ABL2: variants seen among roughly 807,000 people sequenced by gnomAD.
ABL2 encodes tyrosine-protein kinase ABL2.
A neutral mutation model predicts 107.7 loss-of-function variants in ABL2; 49 were observed. The ratio of observed to expected loss-of-function variants is 0.45; its 90% CI spans 0.36 to 0.58. The LOEUF is 0.58. ABL2 is among the 20% of genes least tolerant of loss of function. The pLI is 0.00. For missense variants in ABL2, 1,245 were observed against 1,457.0 expected (o/e 0.85, Z 2.37); for synonymous variants, 549 against 548.6 (o/e 1.00, Z -0.01).
At chr1:179,125,854 TATA>T (rs1158450574) in intron 4 of ABL2, among the ~76,000 whole-genome samples, 1 of 152,260 alleles carries the variant, frequency 6.6e-6, no homozygotes, top group African/African-American at 2.4e-5. Flanking sequence ...CTCTGTAGTT[TATA>T]ATGTGTAAAC....
At chr1:179,229,206 C>CCCCCCCCCCCCACCA in intron 1 of ABL2, 35 bp downstream of exon 1, 1 of 1,480,762 alleles carries the variant, frequency 6.8e-7, no homozygotes, top group Non-Finnish European at 9.0e-7. Context: ...CCCGGCCTCC[C>CCCCCCCCCCCCACCA]CCACGCTCTC....
At chr1:179,122,988 C>A (rs1655368804) in intron 4 of ABL2, among the ~76,000 whole-genome samples, 1 of 152,062 alleles carries the variant, frequency 6.6e-6, no homozygotes, top group Non-Finnish European at 1.5e-5. Flanking sequence ...AGCCACAAGA[C>A]TATGGACTCA....
intron 3 of ABL2, among the ~76,000 whole-genome samples, chr1:179,129,780 T>A (rs1557934780): frequency 6.6e-6 from 1 of 151,870 alleles, no homozygotes; most frequent in African/African-American, 2.4e-5. Flanking sequence ...CCCACATACA[T>A]AACATGTATC....
At position 179,197,363 on chromosome 1, in the gene ABL2, A is replaced by C. The variant is rs1661377431; in HGVS notation, c.157+31878T>G. On this transcript the variant is annotated intron_variant, in intron 1 of 11. Coordinates refer to ENST00000502732, the MANE Select transcript of ABL2 (RefSeq NM_007314.4). ...CAACAATGGCACCCAAGGGATAATA[A>C]AAAATATATATTGAAAAAGCTAAAG... Among the ~76,000 whole-genome samples the C allele has an allele frequency of 2.0e-5, 3 of 152,112 alleles. No homozygotes were observed. In the South Asian group the frequency reaches 6.2e-4, roughly 32 times the overall value.
intron 1 of ABL2, among the ~76,000 whole-genome samples, chr1:179,213,767 T>C (rs1662412440): frequency 6.6e-6 from 1 of 151,608 alleles, no homozygotes; most frequent in Non-Finnish European, 1.5e-5. Context: ...ACTGCCTGCA[T>C]GTATTACTGT....
At chr1:179,197,812 T>C (rs1424149916) in intron 1 of ABL2, among the ~76,000 whole-genome samples, 1 of 149,248 alleles carries the variant, frequency 6.7e-6, no homozygotes, top group Non-Finnish European at 1.5e-5. Flanking sequence ...GAGGCTGCAG[T>C]GAGCTGAGAT....
At chr1:179,189,262 A>AGT (rs1660862976) in intron 1 of ABL2, among the ~76,000 whole-genome samples, 1 of 152,066 alleles carries the variant, frequency 6.6e-6, no homozygotes, top group African/African-American at 2.4e-5. Flanking sequence ...CAGCCTCCCG[A>AGT]GTAGCTGGGA....
intron 1 of ABL2, among the ~76,000 whole-genome samples, chr1:179,216,105 G>A (rs183138696): frequency 1.1e-3 from 165 of 152,262 alleles, no homozygotes; most frequent in African/African-American, 3.9e-3. Context: ...CAGCTTTAGC[G>A]TTCTGCTGGA....
At chr1:179,190,438 G>A (rs936708312) in intron 1 of ABL2, among the ~76,000 whole-genome samples, 1 of 152,156 alleles carries the variant, frequency 6.6e-6, no homozygotes, top group Non-Finnish European at 1.5e-5. Context: ...AGTCCTTCAG[G>A]AACTTCCATG....
At chr1:179,151,205 T>C (rs922043111) in intron 1 of ABL2, among the ~76,000 whole-genome samples, 3 of 152,162 alleles carry the variant, frequency 2.0e-5, no homozygotes, top group Non-Finnish European at 2.9e-5. Context: ...TTAAAGAGGA[T>C]AGTTCCCTAC....
chr1:179,145,895 AT>A (rs11379606), intron 1 of ABL2, among the ~76,000 whole-genome samples: 101 of 142,240 alleles, frequency 7.1e-4, no homozygotes, highest in South Asian at 3.8e-3. Context: ...TCTGATCTCC[AT>A]TTTTTTTTTT....
intron 1 of ABL2, among the ~76,000 whole-genome samples, chr1:179,175,332 T>C (rs992212009): frequency 3.5e-4 from 52 of 148,416 alleles, no homozygotes; most frequent in African/African-American, 1.2e-3. Flanking sequence ...GGCAAGATGT[T>C]AGACCAGGCT....
intron 1 of ABL2, among the ~76,000 whole-genome samples, chr1:179,141,596 C>A (rs763327862): frequency 5.9e-5 from 9 of 152,142 alleles, no homozygotes; most frequent in Non-Finnish European, 1.0e-4. Context: ...ACTAAAAGAA[C>A]CACAACTTAG....
At chr1:179,114,368 ACTGAGCCGAAATCAC>A in intron 9 of ABL2, among the ~76,000 whole-genome samples, 1 of 20,326 alleles carries the variant, frequency 4.9e-5, no homozygotes, top group East Asian at 8.1e-4. Flanking sequence ...AAATCACGTC[ACTGAGCCGAAATCAC>A]GTCACTGCAC....
At chr1:179,193,272 A>G (rs1661120371) in intron 1 of ABL2, among the ~76,000 whole-genome samples, 1 of 152,258 alleles carries the variant, frequency 6.6e-6, no homozygotes, top group Non-Finnish European at 1.5e-5. Flanking sequence ...GAAATCACAC[A>G]AAATTTCTAA....
At chr1:179,186,983 T>G (rs1402216551) in intron 1 of ABL2, among the ~76,000 whole-genome samples, 1 of 152,166 alleles carries the variant, frequency 6.6e-6, no homozygotes, top group African/African-American at 2.4e-5. Context: ...GTGATCCACC[T>G]GCCCCCACAA....
intron 1 of ABL2, among the ~76,000 whole-genome samples, chr1:179,166,285 G>A (rs1197096664): frequency 2.0e-5 from 3 of 151,464 alleles, no homozygotes; most frequent in Non-Finnish European, 4.4e-5. Context: ...ACAGCAAAGG[G>A]AACAATCAAG....
intron 1 of ABL2, among the ~76,000 whole-genome samples, chr1:179,228,792 T>G (rs1174909850): frequency 6.6e-6 from 1 of 152,180 alleles, no homozygotes; most frequent in African/African-American, 2.4e-5. Context: ...AACACATACC[T>G]TGTACTCCAC....
chr1:179,114,987 T>C lies in ABL2; in HGVS notation c.1452A>G (p.Ser484=), dbSNP rs1281433663. 1.3e-5 allele frequency: 21 copies of C among 1,609,342 alleles called. No individual in the cohort carries two copies. In the East Asian group the frequency reaches 4.7e-4, roughly 36 times the overall value. ...LLWEIATYGM[S]PYPGIDLSQV... is the part of the protein sequence containing the mutation. ...GAGACAGGTCAATACCTGGATATGG[T>C]GACATTCCATAGGTAGCAATTTCCC... is the stretch of plus-strand genomic sequence containing the variant. The change falls in exon 9 of 12, where the codon TCA becomes TCG. Residue 484 remains serine, a synonymous_variant. Coordinates refer to ENST00000502732, the MANE Select transcript of ABL2 (RefSeq NM_007314.4).
Sources: allele counts gnomAD v4.1 joint callset (sites outside exome capture counted in the v4.1 genomes callset), GRCh38; gene constraint gnomAD v4.1.1; transcripts MANE v1.5; gene names NCBI Gene and HGNC (gene_info 2026-07-23, HGNC 2026-07-21).